The following KIAA1328 variants were observed in gnomAD, a reference collection of about 807,000 sequenced individuals.
KIAA1328 encodes the protein protein hinderin.
Under a neutral mutation model 68.1 loss-of-function variants are expected in KIAA1328, and 52 were observed. The ratio of observed to expected loss-of-function variants is 0.76; its 90% CI spans 0.61 to 0.96. KIAA1328 has a LOEUF of 0.96. KIAA1328 is among the 40% of genes least tolerant of loss of function. The probability of loss-of-function intolerance (pLI) is 0.00; values close to 1 mark genes in which losing one functional copy is unlikely to be tolerated. For missense variants in KIAA1328, 641 were observed against 677.6 expected, an observed-to-expected ratio of 0.95 and a Z score of 0.60; for synonymous variants, 232 against 239.4, an observed-to-expected ratio of 0.97 and a Z score of 0.28.
At chr18:37,202,331 G>A (rs1053529902) in intron 9 of KIAA1328, among the ~76,000 whole-genome samples, 2 of 152,086 alleles carry the variant, frequency 1.3e-5, no homozygotes, top group African/African-American at 2.4e-5. Flanking sequence ...GCTTTATATT[G>A]GGTTGGTAAT....
chr18:36,864,520 T>C (rs2150902920), intron 4 of KIAA1328, among the ~76,000 whole-genome samples: 1 of 151,946 alleles, frequency 6.6e-6, no homozygotes, highest in South Asian at 2.1e-4. Flanking sequence ...CCAGGAGTTA[T>C]AATTGTTTTT....
intron 6 of KIAA1328, among the ~76,000 whole-genome samples, chr18:37,008,804 G>A (rs1310088283): frequency 2.0e-5 from 3 of 152,074 alleles, no homozygotes; most frequent in Admixed American, 6.6e-5. Context: ...AGTAACAAAG[G>A]AAAGAGTCAG....
intron 9 of KIAA1328, among the ~76,000 whole-genome samples, chr18:37,192,032 T>G (rs983651627): frequency 2.3e-4 from 35 of 152,186 alleles, no homozygotes; most frequent in African/African-American, 8.4e-4. Context: ...GTCTCCCAGC[T>G]TCAACTGTAG....
intron 9 of KIAA1328, among the ~76,000 whole-genome samples, chr18:37,209,148 A>C (rs969166768): frequency 6.6e-6 from 1 of 152,246 alleles, no homozygotes; most frequent in Non-Finnish European, 1.5e-5. Flanking sequence ...ATTTGCACAC[A>C]TCATATGTGT....
intron 7 of KIAA1328, among the ~76,000 whole-genome samples, chr18:37,076,162 A>C (rs1395244377): frequency 6.6e-6 from 1 of 152,242 alleles, no homozygotes; most frequent in Non-Finnish European, 1.5e-5. Flanking sequence ...TCAAACTAGA[A>C]CTCAGAATTA....
intron 5 of KIAA1328, among the ~76,000 whole-genome samples, chr18:36,934,416 C>T (rs1051727389): frequency 1.2e-4 from 18 of 152,038 alleles, no homozygotes; most frequent in East Asian, 1.9e-4. Context: ...CCCATTAACT[C>T]GTCATTTAGC....
intron 9 of KIAA1328, among the ~76,000 whole-genome samples, chr18:37,197,196 AT>A (rs1425407916): frequency 6.6e-6 from 1 of 151,532 alleles, no homozygotes; most frequent in Non-Finnish European, 1.5e-5. Flanking sequence ...GCTTTTATTT[AT>A]TTAGGTCTTT....
chr18:37,180,939 A>G (rs1486344462), intron 9 of KIAA1328, among the ~76,000 whole-genome samples: 1 of 152,160 alleles, frequency 6.6e-6, no homozygotes, highest in African/African-American at 2.4e-5. Flanking sequence ...ATATACAGAT[A>G]TATCCATTTA....
chr18:36,910,491 T>C (rs1221837731), intron 5 of KIAA1328, among the ~76,000 whole-genome samples: 2 of 152,220 alleles, frequency 1.3e-5, no homozygotes, highest in East Asian at 3.8e-4. Flanking sequence ...ATTTCTGTTT[T>C]GGTACCAGTA....
chr18:37,071,057 C>CTTTTTTTTTTTTTTTTTTTTTTTTTTT (rs58722044), intron 7 of KIAA1328, among the ~76,000 whole-genome samples: 57 of 86,838 alleles, frequency 6.6e-4, no homozygotes, highest in South Asian at 1.2e-3. Context: ...TTTTTTCTTC[C>CTTTTTTTTTTTTTTTTTTTTTTTTTTT]TTTTTTTTTT....
intron 6 of KIAA1328, among the ~76,000 whole-genome samples, chr18:37,052,888 G>A (rs778356688): frequency 1.1e-4 from 17 of 152,262 alleles, no homozygotes; most frequent in Non-Finnish European, 2.2e-4. Context: ...TTAATGGGAA[G>A]AATCAATATC....
chr18:37,103,217 C>T lies in KIAA1328; in HGVS notation c.1232+35672C>T, dbSNP rs371644083. ...AGATCCCAAATAGCAAAAGCAATAC[C>T]GAGCAAAAGGTTACATCACACTACC... On this transcript the variant is annotated intron_variant, in intron 7 of 9. Transcript: ENST00000280020. 2.2e-4 allele frequency among the ~76,000 whole-genome samples: 33 copies of T among 151,978 alleles called. No homozygotes were observed. In the East Asian group the frequency reaches 2.7e-3, roughly 12 times the overall value.
chr18:36,835,195 A>C (rs984724971), intron 2 of KIAA1328, 39 bp from the exon 3 acceptor site: 10 of 1,587,720 alleles, frequency 6.3e-6, no homozygotes, highest in Non-Finnish European at 8.6e-6. Context: ...TAAGATAATA[A>C]GGTATAATTT....
intron 7 of KIAA1328, among the ~76,000 whole-genome samples, chr18:37,156,896 G>T (rs1321030532): frequency 6.6e-6 from 1 of 152,124 alleles, no homozygotes; most frequent in African/African-American, 2.4e-5. Flanking sequence ...CGTACTTGCA[G>T]ATATAGAGGT....
At position 37,121,416 on chromosome 18, in the gene KIAA1328, TTCTATCTATCTA is replaced by T. The variant is rs59343128; in HGVS notation, c.1233-38750_1233-38739del. Reference sequence around the variant, plus strand: ...AGAAAGTGTGCCATCATTTTAGGACTTCTATCTATCTATCTATCTATCTATCTATCTATCTAT... The same window carrying T: ...AGAAAGTGTGCCATCATTTTAGGACTTCTATCTATCTATCTATCTATCTAT... On this transcript the variant is annotated intron_variant, in intron 7 of 9. Coordinates refer to ENST00000280020, the MANE Select transcript of KIAA1328 (RefSeq NM_020776.3). 3.1e-3 allele frequency among the ~76,000 whole-genome samples: 464 copies of T among 148,816 alleles called. 2 individuals carry two copies. The highest frequency in any genetic ancestry group is 5.8e-3 in the African/African-American group (234 of 40,554).
intron 5 of KIAA1328, among the ~76,000 whole-genome samples, chr18:36,893,564 C>G (rs1388148544): frequency 1.3e-5 from 2 of 151,468 alleles, no homozygotes; most frequent in Non-Finnish European, 2.9e-5. Flanking sequence ...TCAAGTGATC[C>G]TCCCGTCTTG....
At chr18:37,115,647 G>A (rs1415894406) in intron 7 of KIAA1328, among the ~76,000 whole-genome samples, 5 of 152,186 alleles carry the variant, frequency 3.3e-5, no homozygotes, top group Non-Finnish European at 5.9e-5. Flanking sequence ...TCAACATAGT[G>A]TTGGAAGTTC....
chr18:36,909,576 A>G (rs909682943), intron 5 of KIAA1328, among the ~76,000 whole-genome samples: 1 of 152,264 alleles, frequency 6.6e-6, no homozygotes, highest in Admixed American at 6.5e-5. Flanking sequence ...GCTATTGTGA[A>G]TAGTGCCACA....
At chr18:37,092,914 A>G (rs887592439) in intron 7 of KIAA1328, among the ~76,000 whole-genome samples, 4 of 152,178 alleles carry the variant, frequency 2.6e-5, no homozygotes, top group African/African-American at 9.7e-5. Context: ...TGCCACTCTC[A>G]GTGCCTGAAT....
Sources: gnomAD v4.1 joint callset for allele counts (sites outside exome capture counted in the v4.1 genomes callset) on GRCh38, gnomAD v4.1.1 for gene constraint, MANE v1.5 for transcripts, NCBI Gene and HGNC (gene_info 2026-07-23, HGNC 2026-07-21) for gene names.